The following CDX1 variants were observed in gnomAD, a reference collection of about 807,000 sequenced individuals.
The protein encoded by CDX1 is homeobox protein CDX-1.
In CDX1, 9 loss-of-function variants were observed where a neutral mutation model predicts 16.9. The ratio of observed to expected loss-of-function variants is 0.53; its 90% CI spans 0.32 to 0.93. CDX1 has a LOEUF of 0.93. Ranked by LOEUF, CDX1 falls within the 40% of genes least tolerant of loss-of-function variation. The probability of loss-of-function intolerance (pLI) is 0.04; values close to 1 mark genes in which losing one functional copy is unlikely to be tolerated. For synonymous variants in CDX1, 179 were observed against 179.0 expected (o/e 1.00, Z 0.00); for missense variants, 393 against 386.1 (o/e 1.02, Z -0.15).
chr5:150,167,229 G>T lies in CDX1; in HGVS notation c.353G>T (p.Gly118Val), dbSNP rs1761439188. 6 of 1,261,108 alleles carry T rather than the reference G, an allele frequency of 4.8e-6. No homozygotes were observed. Among genetic ancestry groups the T allele is most frequent in the Non-Finnish European group, 6.0e-6 (6 of 1,008,292 alleles). The allele number at this position is 1,261,108 out of a possible 1,614,324, so 78.1% of individuals were successfully genotyped here. A position where few individuals can be genotyped will look rare whatever the true frequency, so the allele number is the denominator to read the frequency against. The part of the protein sequence containing the change: ...GPGLLAQPLG[G>V]PGTPSSPGAQ... ...GGCCTCCTGGCGCAGCCCCTCGGGG[G>T]CCCGGGCACACCGTCCTCGCCCGGA... Residue 118 changes from glycine (G) to valine (V), a missense_variant, in exon 1 of 3, where the codon GGC becomes GTC. Transcript: ENST00000231656.
chr5:150,168,883 A>G (rs1390043182), intron 1 of CDX1, among the ~76,000 whole-genome samples: 1 of 152,244 alleles, frequency 6.6e-6, no homozygotes, highest in Non-Finnish European at 1.5e-5. Flanking sequence ...ATCTGCTGAA[A>G]GGTACAAATG....
intron 1 of CDX1, among the ~76,000 whole-genome samples, chr5:150,173,368 G>C (rs1168486638): frequency 1.3e-5 from 2 of 152,156 alleles, no homozygotes; most frequent in African/African-American, 4.8e-5. Flanking sequence ...GCTCCTCCCT[G>C]CCTGGGGGCC....
intron 1 of CDX1, among the ~76,000 whole-genome samples, chr5:150,180,935 T>C (rs59740613): frequency 0.03 from 4,537 of 152,256 alleles, 120 homozygotes; most frequent in African/African-American, 0.077. Flanking sequence ...CCCTCTCTCC[T>C]GGGTTACGGC....
chr5:150,178,483 T>G (rs1243321955), intron 1 of CDX1, among the ~76,000 whole-genome samples: 1 of 152,112 alleles, frequency 6.6e-6, no homozygotes. Context: ...CCCAGGGGCC[T>G]GTAAATAATT....
intron 1 of CDX1, among the ~76,000 whole-genome samples, chr5:150,180,535 C>T (rs1014503342): frequency 2.6e-5 from 4 of 151,974 alleles, no homozygotes; most frequent in African/African-American, 4.8e-5. Flanking sequence ...AGAATGGGGG[C>T]GGGTGAGTGG....
rs565931208 is a variant in CDX1, at chr5:150,175,801, C to T, written c.446-6967C>T. The stretch of plus-strand genomic sequence containing the variant: ...CAGCTGGTGGGCCGGCCAGATCTCC[C>T]CACTCCCAGGTCAGTGTGTTCTTGG... On this transcript the variant is annotated intron_variant, in intron 1 of 2. Transcript: ENST00000231656. Among the ~76,000 whole-genome samples the T allele has an allele frequency of 2.6e-4, 39 of 152,326 alleles. 1 individual carries two copies. The South Asian group carries it at 7.9e-3, about 31-fold the overall frequency.
At position 150,182,910 on chromosome 5, in the gene CDX1, G is replaced by A; in HGVS notation, c.588G>A (p.Arg196=). ...ELAANLGLTE[R]QVKIWFQNRR... The stretch of plus-strand genomic sequence containing the variant: ...CTGCCAATCTGGGGCTCACTGAACG[G>A]CAGGTGTGTCTGTCTTCCTATCTCA... The change falls in exon 2 of 3, where the codon CGG becomes CGA. Residue 196 remains arginine, a synonymous_variant. Transcript: ENST00000231656. 1.2e-6 allele frequency: 2 copies of A among 1,604,976 alleles called. No homozygotes were observed. The highest frequency in any genetic ancestry group is 1.7e-6 in the Non-Finnish European group (2 of 1,175,924).
At position 150,183,899 on chromosome 5, in the gene CDX1, G is replaced by A; in HGVS notation, c.*219G>A. On this transcript the variant is annotated 3_prime_UTR_variant, in exon 3 of 3. Transcript: ENST00000231656. Reference sequence around the variant, plus strand: ...TGTGTTCTAGACCTCTGGGGGATAAGGGAGTCCAGGGTGGATGATCTCAAT... The same window carrying A: ...TGTGTTCTAGACCTCTGGGGGATAAAGGAGTCCAGGGTGGATGATCTCAAT... The A allele has an allele frequency of 2.5e-6, 1 of 396,082 alleles. No homozygotes were observed. The highest frequency in any genetic ancestry group is 4.5e-6 in the Non-Finnish European group (1 of 222,940). The allele number at this position is 396,082 out of a possible 1,614,324, so 24.5% of individuals were successfully genotyped here.
intron 1 of CDX1, among the ~76,000 whole-genome samples, chr5:150,176,185 C>A (rs538505526): frequency 8.5e-5 from 13 of 152,228 alleles, no homozygotes; most frequent in Admixed American, 4.6e-4. Flanking sequence ...TGGCCCACAG[C>A]CTGCCACCCT....
At chr5:150,167,346 G>T in intron 1 of CDX1, 25 bp downstream of exon 1, 1 of 1,238,756 alleles carries the variant, frequency 8.1e-7, no homozygotes, top group Non-Finnish European at 1.0e-6. Flanking sequence ...CTCGCCCTGC[G>T]CCTCTGGACC....
At chr5:150,176,817 G>T (rs184826542) in intron 1 of CDX1, among the ~76,000 whole-genome samples, 118 of 152,010 alleles carry the variant, frequency 7.8e-4, no homozygotes, top group African/African-American at 1.9e-3. Context: ...TTAGGATGTG[G>T]TAGATCTGGA....
At chr5:150,170,485 C>G (rs1229766688) in intron 1 of CDX1, among the ~76,000 whole-genome samples, 2 of 152,200 alleles carry the variant, frequency 1.3e-5, no homozygotes, top group Non-Finnish European at 2.9e-5. Flanking sequence ...ATGAACAGGG[C>G]AAGTGTGAGG....
Position 150,166,824 on chromosome 5 carries a change from G to A in CDX1, c.-53G>A, listed in dbSNP as rs760733752. 3.9e-6 allele frequency: 5 copies of A among 1,288,452 alleles called. 1 individual carries two copies. The South Asian group carries it at 5.4e-5, about 14-fold the overall frequency. 79.8% of individuals were successfully genotyped at this position (1,288,452 alleles called of 1,614,324 possible). ...TGAGCGGTTGCTCGTCGTCGGGGCG[G>A]CCGGCAGCGGCGGCTCCAGGGCCCA... On this transcript the variant is annotated 5_prime_UTR_variant, in exon 1 of 3. Transcript: ENST00000231656.
chr5:150,179,672 C>T (rs1761615536), intron 1 of CDX1, among the ~76,000 whole-genome samples: 1 of 152,210 alleles, frequency 6.6e-6, no homozygotes, highest in Non-Finnish European at 1.5e-5. Context: ...TCTGGGTGGG[C>T]AGGGAGCCTC....
Position 150,183,676 on chromosome 5 carries a change from C to A in CDX1, c.794C>A (p.Pro265Gln). 2 of 1,573,554 alleles carry A rather than the reference C, an allele frequency of 1.3e-6. No homozygotes were observed. The highest frequency in any genetic ancestry group is 1.7e-6 in the Non-Finnish European group (2 of 1,156,680). Residue 265 changes from proline to glutamine, a missense_variant, in exon 3 of 3, where the codon CCA becomes CAA. Pro to Gln is a moderately conservative substitution (Grantham distance 76, BLOSUM62 -1). Transcript: ENST00000231656. ...SPMPVKEEFLP is the reference protein window; with the variant it reads ...SPMPVKEEFLQ ...ATGCCTGTGAAAGAGGAGTTTCTGC[C>A]ATAGCCCCATGCCCAGCCTGTGCGC...
At chr5:150,167,435 C>A in intron 1 of CDX1, 114 bp downstream of exon 1, 1 of 651,040 alleles carries the variant, frequency 1.5e-6, no homozygotes, top group Non-Finnish European at 2.2e-6. Context: ...GGGAGTGTGG[C>A]CCTCCTGTCC....
At chr5:150,176,606 G>A (rs1761573093) in intron 1 of CDX1, among the ~76,000 whole-genome samples, 3 of 152,152 alleles carry the variant, frequency 2.0e-5, no homozygotes, top group Admixed American at 2.0e-4. Flanking sequence ...GATCTTTAAG[G>A]GAAGGCTCAA....
intron 1 of CDX1, among the ~76,000 whole-genome samples, chr5:150,179,109 A>G (rs1312434299): frequency 6.6e-6 from 1 of 152,138 alleles, no homozygotes; most frequent in Non-Finnish European, 1.5e-5. Context: ...ATGAGGCTAG[A>G]TATCGCCAAG....
rs1182030598 is a variant in CDX1 at position 150,183,707 on chromosome 5, G to A, written c.*27G>A. The A allele has an allele frequency of 2.0e-6, 3 of 1,495,058 alleles. No homozygotes were observed. The East Asian group carries it at 7.0e-5, about 35-fold the overall frequency. The allele number at this position is 1,495,058 out of a possible 1,614,324, so 92.6% of individuals were successfully genotyped here. ...CCCATGCCCAGCCTGTGCGCCGGGGGACCTGGGGACTCGGGTGCTGGGAGT... is the reference window on the plus strand; with the variant it reads ...CCCATGCCCAGCCTGTGCGCCGGGGAACCTGGGGACTCGGGTGCTGGGAGT... On this transcript the variant is annotated 3_prime_UTR_variant, in exon 3 of 3. Transcript: ENST00000231656.
Sources: allele counts gnomAD v4.1 joint callset (sites outside exome capture counted in the v4.1 genomes callset), GRCh38; gene constraint gnomAD v4.1.1; transcripts MANE v1.5; gene names NCBI Gene and HGNC (gene_info 2026-07-23, HGNC 2026-07-21).